The following EBF2 variants were observed in gnomAD, a reference collection of about 807,000 sequenced individuals.
EBF2 encodes EBF transcription factor 2, also known as transcription factor COE2.
Under a neutral mutation model 72.8 loss-of-function variants are expected in EBF2, and 21 were observed. The observed-to-expected ratio is 0.29, with a 90% CI of 0.20 to 0.42. The LOEUF is 0.42. Ranked by LOEUF, EBF2 falls within the 10% of genes least tolerant of loss-of-function variation. The pLI is 1.00. For missense variants in EBF2, 637 were observed against 731.2 expected (o/e 0.87, Z 1.49); for synonymous variants, 299 against 274.2 (o/e 1.09, Z -0.89).
At chr8:25,936,001 G>A (rs1803572659) in intron 6 of EBF2, among the ~76,000 whole-genome samples, 1 of 152,210 alleles carries the variant, frequency 6.6e-6, no homozygotes, top group African/African-American at 2.4e-5. Context: ...AGAAATTGCA[G>A]CCGTGTAACC....
intron 6 of EBF2, among the ~76,000 whole-genome samples, chr8:25,918,945 C>G (rs1803267099): frequency 6.6e-6 from 1 of 152,172 alleles, no homozygotes; most frequent in Non-Finnish European, 1.5e-5. Context: ...TCAAAACACT[C>G]TGTGCATGCT....
intron 6 of EBF2, among the ~76,000 whole-genome samples, chr8:26,022,368 C>T (rs573804849): frequency 2.0e-5 from 3 of 152,288 alleles, no homozygotes; most frequent in East Asian, 1.9e-4. Flanking sequence ...ATGTCCTGTA[C>T]AATTGTGCAT....
At chr8:25,884,811 C>G (rs192255321) in intron 10 of EBF2, among the ~76,000 whole-genome samples, 1 of 152,120 alleles carries the variant, frequency 6.6e-6, no homozygotes. Context: ...ACAGAAAATT[C>G]AAAGGCTAAA....
At chr8:25,845,611 C>A (rs1418364730) in intron 15 of EBF2, among the ~76,000 whole-genome samples, 1 of 152,142 alleles carries the variant, frequency 6.6e-6, no homozygotes, top group African/African-American at 2.4e-5. Context: ...TCGGACAATG[C>A]CTGTCTGGGC....
chr8:25,921,582 G>A (rs73553970), intron 6 of EBF2, among the ~76,000 whole-genome samples: 4 of 152,142 alleles, frequency 2.6e-5, no homozygotes, highest in African/African-American at 9.6e-5. Flanking sequence ...TAACTCTATG[G>A]GAATTATCAA....
chr8:26,018,523 T>C (rs112531707), intron 6 of EBF2, among the ~76,000 whole-genome samples: 24 of 119,990 alleles, frequency 2.0e-4, no homozygotes, highest in African/African-American at 6.4e-4. Context: ...AAAAAAAAAT[T>C]AGCCGGGCGT....
At chr8:25,950,043 G>T (rs571690265) in intron 6 of EBF2, among the ~76,000 whole-genome samples, 2 of 152,302 alleles carry the variant, frequency 1.3e-5, no homozygotes, top group African/African-American at 4.8e-5. Flanking sequence ...CACTGGCAGC[G>T]CTTGTCAGTC....
At chr8:25,895,796 T>C (rs887815534) in intron 7 of EBF2, among the ~76,000 whole-genome samples, 1 of 152,182 alleles carries the variant, frequency 6.6e-6, no homozygotes, top group African/African-American at 2.4e-5. Flanking sequence ...GAGGAGTTAT[T>C]TCTTTAGTTA....
At position 25,894,641 on chromosome 8, in the gene EBF2, A is replaced by C. The variant is rs779995757; in HGVS notation, c.634-4772T>G. The stretch of plus-strand genomic sequence containing the variant: ...AGCTTAATGTTAGAGGGTCAGGCAC[A>C]GTTAGACTCCAAAACACTACACAAG... On this transcript the variant is annotated intron_variant, in intron 7 of 15. Coordinates refer to ENST00000520164, the MANE Select transcript of EBF2 (RefSeq NM_022659.4). Among the ~76,000 whole-genome samples, 65 of 152,194 alleles carry C rather than the reference A, an allele frequency of 4.3e-4. 1 individual carries two copies. The highest frequency in any genetic ancestry group is 3.9e-4 in the Admixed American group (6 of 15,280).
intron 6 of EBF2, among the ~76,000 whole-genome samples, chr8:25,921,050 T>A (rs1189203604): frequency 2.0e-5 from 3 of 148,420 alleles, no homozygotes; most frequent in Non-Finnish European, 4.5e-5. Flanking sequence ...AAGATCCACA[T>A]TTACAGTACA....
intron 6 of EBF2, among the ~76,000 whole-genome samples, chr8:25,949,994 GA>G (rs1803831548): frequency 6.6e-6 from 1 of 152,184 alleles, no homozygotes; most frequent in African/African-American, 2.4e-5. Context: ...CAACAAGCAC[GA>G]GGCCAAGGAG....
intron 7 of EBF2, among the ~76,000 whole-genome samples, chr8:25,901,298 C>T (rs4872374): frequency 0.53 from 80,680 of 151,504 alleles, 21,900 homozygotes; most frequent in East Asian, 0.73. Flanking sequence ...GGCACACACC[C>T]GTAGTCCTAG....
chr8:26,014,494 C>T (rs1418681418), intron 6 of EBF2, among the ~76,000 whole-genome samples: 2 of 152,100 alleles, frequency 1.3e-5, no homozygotes, highest in African/African-American at 2.4e-5. Context: ...TGTGAATTTG[C>T]CTTTTCTTTC....
chr8:25,855,908 C>T (rs550765888), intron 14 of EBF2, among the ~76,000 whole-genome samples: 1 of 152,282 alleles, frequency 6.6e-6, no homozygotes, highest in South Asian at 2.1e-4. Flanking sequence ...CTTTCTGTCT[C>T]CCAGTTGGGC....
chr8:25,975,943 A>T (rs997019536), intron 6 of EBF2, among the ~76,000 whole-genome samples: 6 of 152,212 alleles, frequency 3.9e-5, no homozygotes, highest in African/African-American at 1.4e-4. Flanking sequence ...AAGGATGAAC[A>T]GCTGTGGTCC....
chr8:25,980,280 G>A (rs116442239), intron 6 of EBF2, among the ~76,000 whole-genome samples: 1,731 of 152,132 alleles, frequency 0.011, 19 homozygotes, highest in African/African-American at 0.023. Flanking sequence ...GATACAACAC[G>A]TTTCCACTGT....
At chr8:25,915,015 A>C (rs1803187774) in intron 6 of EBF2, among the ~76,000 whole-genome samples, 1 of 152,218 alleles carries the variant, frequency 6.6e-6, no homozygotes, top group South Asian at 2.1e-4. Flanking sequence ...CTTGCCTAAA[A>C]GACTATGATG....
chr8:26,023,306 A>G lies in EBF2; in HGVS notation c.551+9779T>C, dbSNP rs555078939. ...ATGTCTTTTCTAAAAACAAATACCT[A>G]CTTCTTATTTCCAGCACAGCACAAT... On this transcript the variant is annotated intron_variant, in intron 6 of 15. Transcript: ENST00000520164. Among the ~76,000 whole-genome samples, 3 of 152,266 alleles carry G rather than the reference A, an allele frequency of 2.0e-5. No individual in the cohort carries two copies. The South Asian group carries it at 6.2e-4, about 32-fold the overall frequency.
chr8:25,855,433 G>A lies in EBF2; in HGVS notation c.1528+2886C>T, dbSNP rs537284611. Among the ~76,000 whole-genome samples the A allele has an allele frequency of 6.6e-5, 10 of 152,250 alleles. No homozygotes were observed. In the East Asian group the frequency reaches 1.7e-3, roughly 27 times the overall value. The stretch of plus-strand genomic sequence containing the variant: ...TGTTTGGCCATTTTTGAAGTAGTGC[G>A]AGAGCAAAAACAGTAAAGATGCGGG... On this transcript the variant is annotated intron_variant, in intron 14 of 15. Transcript: ENST00000520164.
Sources: gnomAD v4.1 joint callset for allele counts (sites outside exome capture counted in the v4.1 genomes callset) on GRCh38, gnomAD v4.1.1 for gene constraint, MANE v1.5 for transcripts, NCBI Gene and HGNC (gene_info 2026-07-23, HGNC 2026-07-21) for gene names.